The following CD276 variants were observed in gnomAD, a reference collection of about 807,000 sequenced individuals.
CD276 encodes the protein CD276 molecule, also known as CD276 antigen.
A neutral mutation model predicts 50.0 loss-of-function variants in CD276; 34 were observed. That is an observed-to-expected ratio of 0.68 (90% CI 0.52 to 0.91). CD276 has a LOEUF of 0.91. Among genes scored for constraint, CD276 ranks in the 40% least tolerant of loss-of-function variants. CD276 has a pLI of 0.00. For missense variants in CD276, 634 were observed against 717.5 expected, an observed-to-expected ratio of 0.88 and a Z score of 1.33; for synonymous variants, 275 against 313.0, an observed-to-expected ratio of 0.88 and a Z score of 1.28.
intron 2 of CD276, 134 bp downstream of exon 2, chr15:73,699,852 G>A (rs1368658721): frequency 2.9e-6 from 3 of 1,024,840 alleles, no homozygotes; most frequent in Non-Finnish European, 4.1e-6. Flanking sequence ...CCACCTGTGG[G>A]ATCCAGTAGG....
intron 6 of CD276, among the ~76,000 whole-genome samples, chr15:73,707,692 A>G (rs1297724610): frequency 6.6e-6 from 1 of 152,168 alleles, no homozygotes; most frequent in Non-Finnish European, 1.5e-5. Context: ...TTTTTTTGGT[A>G]ACCCTTTACA....
intron 1 of CD276, among the ~76,000 whole-genome samples, chr15:73,689,088 T>G (rs1430806531): frequency 6.6e-6 from 1 of 152,108 alleles, no homozygotes; most frequent in Non-Finnish European, 1.5e-5. Flanking sequence ...CTCTCATCCC[T>G]TTCCTTCCTC....
intron 6 of CD276, among the ~76,000 whole-genome samples, chr15:73,706,875 C>T (rs1567022215): frequency 1.3e-5 from 2 of 152,210 alleles, no homozygotes; most frequent in South Asian, 4.1e-4. Context: ...TAAGGGGGAA[C>T]ATAGAGACCC....
At position 73,690,512 on chromosome 15, in the gene CD276, G is replaced by C. The variant is rs192144989; in HGVS notation, c.-55+6052G>C. Among the ~76,000 whole-genome samples, 205 of 152,316 alleles carry C rather than the reference G, an allele frequency of 1.3e-3. 1 individual carries two copies. Among genetic ancestry groups the C allele is most frequent in the East Asian group, 7.7e-4 (4 of 5,192 alleles). On this transcript the variant is annotated intron_variant, in intron 1 of 9. Coordinates refer to ENST00000318443, the MANE Select transcript of CD276 (RefSeq NM_001024736.2). ...GTTCTGGAGACTGGGAAGTCCAAGG[G>C]CATGGTGCTGGCATCTGGCGAGGGC...
intron 8 of CD276, among the ~76,000 whole-genome samples, chr15:73,709,896 C>G (rs1020017751): frequency 6.6e-6 from 1 of 152,200 alleles, no homozygotes; most frequent in Non-Finnish European, 1.5e-5. Context: ...CCAGGTGTGG[C>G]TTCATTTCTC....
intron 1 of CD276, among the ~76,000 whole-genome samples, chr15:73,688,296 A>G (rs1012165000): frequency 6.6e-6 from 1 of 151,960 alleles, no homozygotes; most frequent in African/African-American, 2.4e-5. Flanking sequence ...GGCAATAATA[A>G]CAGCAATAAT....
In CD276 at chr15:73,699,677, A is replaced by C. The variant is rs895216823; in HGVS notation, c.38A>C (p.His13Pro). Residue 13 changes from histidine (H) to proline (P), a missense_variant, in exon 2 of 10, where the codon CAT (histidine) becomes CCT (proline). Coordinates refer to ENST00000318443, the MANE Select transcript of CD276 (RefSeq NM_001024736.2). ...CGGGGCAGCCCTGGCATGGGTGTGC[A>C]TGTGGGTGCAGCCCTGGGAGCACTG... is the stretch of plus-strand genomic sequence containing the variant. ...RRRGSPGMGV[H>P]VGAALGALWF... 3 of 1,612,794 alleles carry C rather than the reference A, an allele frequency of 1.9e-6. No individual in the cohort carries two copies. The highest frequency in any genetic ancestry group is 1.7e-5 in the Admixed American group (1 of 59,900).
intron 1 of CD276, among the ~76,000 whole-genome samples, chr15:73,696,341 G>A (rs914516018): frequency 2.0e-5 from 3 of 152,146 alleles, no homozygotes; most frequent in Non-Finnish European, 4.4e-5. Flanking sequence ...GTCCCGGGCC[G>A]ACCAGCTCTG....
chr15:73,686,778 C>T (rs976322793), intron 1 of CD276, among the ~76,000 whole-genome samples: 18 of 152,078 alleles, frequency 1.2e-4, no homozygotes, highest in African/African-American at 2.7e-4. Context: ...GTTGCACATA[C>T]GGGGTTTGGG....
At chr15:73,708,609 C>CTG in intron 7 of CD276, 136 bp downstream of exon 7, 1 of 1,035,230 alleles carries the variant, frequency 9.7e-7, no homozygotes. Context: ...CTGGATTTGT[C>CTG]TGTGTGTGAC....
In CD276 at chr15:73,702,323, T is replaced by G; in HGVS notation, c.148T>G (p.Cys50Gly). ...GGTGGGCACCGATGCCACCCTGTGC[T>G]GCTCCTTCTCCCCTGAGCCTGGCTT... Reference protein sequence around the residue: ...ALVGTDATLCCSFSPEPGFSL... With the variant: ...ALVGTDATLCGSFSPEPGFSL... Residue 50 changes from cysteine (C) to glycine (G), a missense_variant, in exon 3 of 10, where the codon TGC (cysteine) becomes GGC (glycine). By Grantham distance (159) the Cys-to-Gly change is radical (BLOSUM62 -3). Coordinates refer to ENST00000318443, the MANE Select transcript of CD276 (RefSeq NM_001024736.2). 6.2e-7 allele frequency: 1 copy of G among 1,613,494 alleles called. No homozygotes were observed. Among genetic ancestry groups the G allele is most frequent in the Non-Finnish European group, 8.5e-7 (1 of 1,179,998 alleles).
rs762931731 is a variant in CD276, at chr15:73,703,917, G to A, written c.992G>A (p.Arg331His). ...GNASLRLQRV[R>H]VADEGSFTCF... ...GCATCCCTGAGGCTGCAGCGCGTGC[G>A]TGTGGCGGACGAGGGCAGCTTCACC... Residue 331 changes from arginine to histidine, a missense_variant, in exon 5 of 10, where the codon CGT becomes CAT. By Grantham distance (29) the Arg-to-His change is conservative. Transcript: ENST00000318443. 16 of 1,613,332 alleles carry A rather than the reference G, an allele frequency of 9.9e-6. No individual in the cohort carries two copies. The highest frequency in any genetic ancestry group is 6.7e-5 in the East Asian group (3 of 44,892).
At chr15:73,690,902 G>A in intron 1 of CD276, 2 of 419,750 alleles carry the variant, frequency 4.8e-6, no homozygotes, top group Middle Eastern at 3.5e-4. Context: ...GGCTATGGAG[G>A]AGCTGCGATC....
At position 73,687,063 on chromosome 15, in the gene CD276, C is replaced by T. The variant is rs528352439; in HGVS notation, c.-55+2603C>T. Among the ~76,000 whole-genome samples, 45 of 152,214 alleles carry T rather than the reference C, an allele frequency of 3.0e-4. 1 individual carries two copies. The East Asian group carries it at 7.1e-3, about 24-fold the overall frequency. On this transcript the variant is annotated intron_variant, in intron 1 of 9. Transcript: ENST00000318443. The surrounding 1 kb of genome is among the most constrained non-coding windows in gnomAD (Gnocchi z 4.0). ...AGGGGGAGAGGGGTGAGGACTGGTC[C>T]ACATGATTTTTGAGAAATTGCCTTT...
intron 1 of CD276, among the ~76,000 whole-genome samples, chr15:73,695,155 T>A (rs894401047): frequency 1.3e-5 from 2 of 152,212 alleles, no homozygotes; most frequent in African/African-American, 2.4e-5. Context: ...CAAGTACTGA[T>A]AAAGTTCCAC....
At chr15:73,709,311 G>A (rs1900788195) in intron 7 of CD276, among the ~76,000 whole-genome samples, 1 of 152,006 alleles carries the variant, frequency 6.6e-6, no homozygotes, top group Non-Finnish European at 1.5e-5. Flanking sequence ...TGGGTGAGTG[G>A]TGGGCTCCAG....
intron 8 of CD276, 89 bp from the exon 9 acceptor site, chr15:73,711,046 C>A: frequency 7.2e-7 from 1 of 1,396,408 alleles, no homozygotes; most frequent in Non-Finnish European, 1.0e-6. Context: ...CCCGCCCCTT[C>A]CAGCCCTCAC....
At chr15:73,710,924 AGAG>A in intron 8 of CD276, among the ~76,000 whole-genome samples, 1 of 152,290 alleles carries the variant, frequency 6.6e-6, no homozygotes. Context: ...TAAGGCCCAG[AGAG>A]GAGAATGACA....
rs368813244 is a variant in CD276 at position 73,704,237 on chromosome 15, G to A, written c.1134G>A (p.Thr378=). Residue 378 remains threonine, a synonymous_variant, in exon 6 of 10, where the codon ACG becomes ACA. Coordinates refer to ENST00000318443, the MANE Select transcript of CD276 (RefSeq NM_001024736.2). The surrounding 1 kb of genome is among the most constrained non-coding windows in gnomAD (Gnocchi z 4.1). ...ACAAGGACCTGCGGCCAGGGGACAC[G>A]GTGACCATCACGTGCTCCAGCTACC... ...EPNKDLRPGD[T]VTITCSSYRG... The A allele has an allele frequency of 2.7e-5, 44 of 1,614,026 alleles. No individual in the cohort carries two copies. Among genetic ancestry groups the A allele is most frequent in the African/African-American group, 8.0e-5 (6 of 74,924 alleles).
Sources: gnomAD v4.1 joint callset for allele counts (sites outside exome capture counted in the v4.1 genomes callset) on GRCh38, gnomAD v4.1.1 for gene constraint, Gnocchi (gnomAD v3.1) non-coding constraint, MANE v1.5 for transcripts, NCBI Gene and HGNC (gene_info 2026-07-23, HGNC 2026-07-21) for gene names.